The following GALK2 variants were observed in gnomAD, a reference collection of about 807,000 sequenced individuals.
GALK2 encodes N-acetylgalactosamine kinase.
GALK2 carries 36 observed loss-of-function variants against 52.4 expected under a neutral mutation model. That is an observed-to-expected ratio of 0.69 (90% CI 0.53 to 0.91). The LOEUF is 0.91. Among genes scored for constraint, GALK2 ranks in the 40% least tolerant of loss-of-function variants. The pLI is 0.00. For synonymous variants in GALK2, 176 were observed against 199.1 expected (o/e 0.88, Z 0.98); for missense variants, 579 against 559.1 (o/e 1.04, Z -0.36).
chr15:49,324,693 T>A (rs1941048367), intron 9 of GALK2, among the ~76,000 whole-genome samples: 1 of 152,122 alleles, frequency 6.6e-6, no homozygotes, highest in Non-Finnish European at 1.5e-5. Flanking sequence ...TACCTGTGAC[T>A]CTTGCCATTT....
At chr15:49,260,863 T>G (rs1447074381) in intron 5 of GALK2, among the ~76,000 whole-genome samples, 23 of 152,132 alleles carry the variant, frequency 1.5e-4, no homozygotes, top group African/African-American at 3.4e-4. Flanking sequence ...GTTTGTCAAA[T>G]ATCAGATAGT....
At chr15:49,333,404 A>G (rs1265680620), downstream of GALK2, among the ~76,000 whole-genome samples, 2 of 152,188 alleles carry the variant, frequency 1.3e-5, no homozygotes, top group East Asian at 1.9e-4. Context: ...TGCATTAATC[A>G]TATTTGAATA....
At chr15:49,237,615 T>C (rs2141491422) in intron 4 of GALK2, among the ~76,000 whole-genome samples, 1 of 152,196 alleles carries the variant, frequency 6.6e-6, no homozygotes, top group East Asian at 1.9e-4. Context: ...TAGCTGGGAT[T>C]ACAGGTGCCT....
chr15:49,352,822 C>T (rs973056938), intron 3 of GALK2, among the ~76,000 whole-genome samples: 1 of 152,134 alleles, frequency 6.6e-6, no homozygotes, highest in South Asian at 2.1e-4. Context: ...TCTTGCAAAG[C>T]CTGCCTCAAA....
intron 1 of GALK2, among the ~76,000 whole-genome samples, chr15:49,163,314 C>T (rs1247136365): frequency 6.6e-6 from 1 of 152,038 alleles, no homozygotes; most frequent in Non-Finnish European, 1.5e-5. Context: ...ATATATTTTG[C>T]CTATTTTTTA....
chr15:49,196,495 TA>T (rs1307230904), intron 1 of GALK2, among the ~76,000 whole-genome samples: 1 of 152,222 alleles, frequency 6.6e-6, no homozygotes, highest in Non-Finnish European at 1.5e-5. Context: ...ATTTCTACTT[TA>T]TGGAATTTAC....
chr15:49,321,068 A>G lies in GALK2; in HGVS notation c.1169+1263A>G, dbSNP rs548631621. Reference sequence around the variant, plus strand: ...ATTCTCGTGGGGAAAGAGAGAAATGACAATTAAAAATAATTTGAATGGTAG... The same window carrying G: ...ATTCTCGTGGGGAAAGAGAGAAATGGCAATTAAAAATAATTTGAATGGTAG... On this transcript the variant is annotated intron_variant, in intron 9 of 9. Transcript: ENST00000560031. Among the ~76,000 whole-genome samples, 5 of 152,364 alleles carry G rather than the reference A, an allele frequency of 3.3e-5. No individual in the cohort carries two copies. The South Asian group carries it at 1.0e-3, about 32-fold the overall frequency.
intron 5 of GALK2, among the ~76,000 whole-genome samples, chr15:49,246,620 A>G (rs373979158): frequency 1.4e-3 from 218 of 152,328 alleles, no homozygotes; most frequent in Non-Finnish European, 2.6e-3. Flanking sequence ...CATTTTGTCA[A>G]AAACACAATT....
At chr15:49,245,010 C>CA (rs1032035744) in intron 5 of GALK2, among the ~76,000 whole-genome samples, 1 of 151,686 alleles carries the variant, frequency 6.6e-6, no homozygotes, top group Non-Finnish European at 1.5e-5. Flanking sequence ...ATAGGAAAAA[C>CA]AAAAAAGTTT....
At chr15:49,353,616 T>G (rs1187108596) in intron 3 of GALK2, 1 of 143,540 alleles carries the variant, frequency 7.0e-6, no homozygotes, top group African/African-American at 2.7e-5. Flanking sequence ...AAATAAGGGT[T>G]TTTTTTTTTT....
At chr15:49,165,601 CTT>C (rs1252888934), upstream of GALK2, among the ~76,000 whole-genome samples, 2 of 151,802 alleles carry the variant, frequency 1.3e-5, no homozygotes, top group Middle Eastern at 3.4e-3. Context: ...ATTTTGGAGA[CTT>C]ATTTAAAAAA....
intron 2 of GALK2, among the ~76,000 whole-genome samples, chr15:49,216,324 A>G (rs2089370375): frequency 6.6e-6 from 1 of 152,200 alleles, no homozygotes; most frequent in Admixed American, 6.5e-5. Flanking sequence ...GGGTCCAGGA[A>G]CTAAGTCCTG....
chr15:49,309,653 T>C (rs1162358905), intron 8 of GALK2, among the ~76,000 whole-genome samples: 2 of 151,922 alleles, frequency 1.3e-5, no homozygotes, highest in Non-Finnish European at 2.9e-5. Context: ...GGAGTTTCAT[T>C]CTTGTTGCCC....
At chr15:49,299,766 TC>T (rs2034905247) in intron 8 of GALK2, among the ~76,000 whole-genome samples, 4 of 142,908 alleles carry the variant, frequency 2.8e-5, no homozygotes, top group African/African-American at 1.1e-4. Flanking sequence ...TTTCTTTCTT[TC>T]TTTCTTTCTT....
chr15:49,239,368 G>GA lies in GALK2; in HGVS notation c.504+1_504+2insA. The GA allele has an allele frequency of 6.2e-7, 1 of 1,613,392 alleles. No homozygotes were observed. The highest frequency in any genetic ancestry group is 2.2e-5 in the East Asian group (1 of 44,864). On this transcript the variant is annotated splice_donor_variant, in intron 5 of 9. Transcript: ENST00000560031. LOFTEE classifies it high-confidence loss of function. Reference sequence around the variant, plus strand: ...AGTGCTGGGAAGGAATCTATCCAAGGTAACTACCTTTGATAGGAAACCTCA... The same window carrying GA: ...AGTGCTGGGAAGGAATCTATCCAAGGATAACTACCTTTGATAGGAAACCTCA...
downstream of GALK2, among the ~76,000 whole-genome samples, chr15:49,333,553 A>G (rs1172190478): frequency 6.6e-6 from 1 of 152,214 alleles, no homozygotes; most frequent in African/African-American, 2.4e-5. Flanking sequence ...GGTGTTGTGA[A>G]GCAGAAAGCT....
At chr15:49,163,922 C>G (rs2084734547) in intron 1 of GALK2, among the ~76,000 whole-genome samples, 1 of 152,130 alleles carries the variant, frequency 6.6e-6, no homozygotes, top group Non-Finnish European at 1.5e-5. Context: ...TCAGACCAAT[C>G]ATCTTTAAAA....
chr15:49,269,934 G>A (rs1037328649), intron 5 of GALK2, among the ~76,000 whole-genome samples: 5 of 152,108 alleles, frequency 3.3e-5, no homozygotes, highest in South Asian at 2.1e-4. Flanking sequence ...CCGCTTGTGC[G>A]TCCTCTTATT....
At chr15:49,247,125 A>G (rs1201427610) in intron 5 of GALK2, among the ~76,000 whole-genome samples, 1 of 152,190 alleles carries the variant, frequency 6.6e-6, no homozygotes, top group Non-Finnish European at 1.5e-5. Flanking sequence ...CAGCTGAGAA[A>G]GAGTGTCAGA....
Sources: allele counts gnomAD v4.1 joint callset (sites outside exome capture counted in the v4.1 genomes callset), GRCh38; gene constraint gnomAD v4.1.1; transcripts MANE v1.5; gene names NCBI Gene and HGNC (gene_info 2026-07-23, HGNC 2026-07-21).